Variants in ZDHHC14 observed in about 807,000 individuals in gnomAD.
The protein encoded by ZDHHC14 is zDHHC palmitoyltransferase 14, also known as palmitoyltransferase ZDHHC14.
In ZDHHC14, 16 loss-of-function variants were observed where a neutral mutation model predicts 47.7. The observed-to-expected ratio is 0.34, with a 90% confidence interval of 0.23 to 0.51. The LOEUF is 0.51. ZDHHC14 is among the 20% of genes least tolerant of loss of function. The pLI is 0.97. For missense variants in ZDHHC14, 515 were observed against 662.5 expected (o/e 0.78, Z 2.44); for synonymous variants, 293 against 278.9 (o/e 1.05, Z -0.50).
chr6:157,561,068 G>A (rs1431586663), intron 2 of ZDHHC14, among the ~76,000 whole-genome samples: 1 of 152,224 alleles, frequency 6.6e-6, no homozygotes, highest in African/African-American at 2.4e-5. Context: ...ATTTCGGGGA[G>A]CCCAGGTCCT....
intron 3 of ZDHHC14, among the ~76,000 whole-genome samples, chr6:157,594,509 G>T (rs777514400): frequency 6.6e-6 from 1 of 152,178 alleles, no homozygotes; most frequent in Non-Finnish European, 1.5e-5. Flanking sequence ...ACTGCCTGCC[G>T]CATGGGATAG....
chr6:157,523,651 T>G (rs1405046212), intron 1 of ZDHHC14, among the ~76,000 whole-genome samples: 2 of 151,888 alleles, frequency 1.3e-5, no homozygotes, highest in Non-Finnish European at 2.9e-5. Context: ...TTTCCAACAC[T>G]TTGGGTGGCT....
chr6:157,426,668 A>G (rs916542939), intron 1 of ZDHHC14, among the ~76,000 whole-genome samples: 4 of 152,168 alleles, frequency 2.6e-5, no homozygotes, highest in Admixed American at 2.6e-4. Flanking sequence ...AGAGCCGATC[A>G]GAAGGGGATG....
chr6:157,397,891 T>A (rs1379378224), intron 1 of ZDHHC14, among the ~76,000 whole-genome samples: 1 of 152,160 alleles, frequency 6.6e-6, no homozygotes, highest in Admixed American at 6.5e-5. Context: ...CACTTGCCTC[T>A]TGCAGATGGG....
chr6:157,639,233 T>A (rs1777128937), intron 5 of ZDHHC14, among the ~76,000 whole-genome samples: 1 of 152,224 alleles, frequency 6.6e-6, no homozygotes, highest in African/African-American at 2.4e-5. Context: ...GGTCCCTTCA[T>A]CCCCTGCATG....
chr6:157,431,273 T>C (rs542801297), intron 1 of ZDHHC14, among the ~76,000 whole-genome samples: 1 of 152,316 alleles, frequency 6.6e-6, no homozygotes, highest in East Asian at 1.9e-4. Context: ...GCTGGTCTAA[T>C]TGTCAGGGCC....
intron 4 of ZDHHC14, chr6:157,631,046 C>T (rs1394330737): frequency 8.4e-6 from 1 of 119,308 alleles, no homozygotes; most frequent in Non-Finnish European, 1.8e-5. Context: ...ATACCCTTAC[C>T]CCCACACACC....
intron 1 of ZDHHC14, among the ~76,000 whole-genome samples, chr6:157,537,754 T>TTC: frequency 6.6e-6 from 1 of 152,214 alleles, no homozygotes; most frequent in East Asian, 1.9e-4. Flanking sequence ...GCACTCAGCA[T>TTC]TGGAGTTCCC....
In ZDHHC14 at chr6:157,653,563, C is replaced by G. The variant is rs184239591; in HGVS notation, c.1004C>G (p.Pro335Arg). 2 of 1,614,014 alleles carry G rather than the reference C, an allele frequency of 1.2e-6. No homozygotes were observed. The highest frequency in any genetic ancestry group is 1.1e-5 in the South Asian group (1 of 91,068). Residue 335 changes from proline (P) to arginine (R), a missense_variant, in exon 8 of 9, where the codon CCG becomes CGG. By Grantham distance (103) the Pro-to-Arg change is moderately radical. This residue lies in a region of ZDHHC14 where 221 missense variants were observed against 233.6 expected (regional missense o/e 0.95). Transcript: ENST00000359775. ...DRRGYIQPDT[P>R]QPAAPSNGIT... is the part of the protein sequence containing the mutation. The stretch of plus-strand genomic sequence containing the variant: ...AGAGGGTACATCCAGCCCGACACGC[C>G]GCAGCCAGCAGCACCCTCCAATGGC...
At chr6:157,546,420 T>C (rs1781974842) in intron 2 of ZDHHC14, among the ~76,000 whole-genome samples, 1 of 152,212 alleles carries the variant, frequency 6.6e-6, no homozygotes, top group Non-Finnish European at 1.5e-5. Flanking sequence ...CTGAGTAATT[T>C]ATTGAAGATT....
intron 1 of ZDHHC14, among the ~76,000 whole-genome samples, chr6:157,534,133 C>G (rs1381323633): frequency 1.3e-5 from 2 of 152,110 alleles, no homozygotes; most frequent in East Asian, 1.9e-4. Context: ...AAGCCAGGGT[C>G]AGAGGCAGCT....
chr6:157,469,622 G>A lies in ZDHHC14; in HGVS notation c.246-72963G>A, dbSNP rs576083205. 1.1e-4 allele frequency among the ~76,000 whole-genome samples: 16 copies of A among 152,310 alleles called. No individual in the cohort carries two copies. The South Asian group carries it at 2.7e-3, about 26-fold the overall frequency. On this transcript the variant is annotated intron_variant, in intron 1 of 8. Transcript: ENST00000359775. ...ATTCTGCCCTGCAGCTCCTCACTCT[G>A]GGCCCCAGGCTGATGGAACGATCAT...
At chr6:157,513,498 C>T (rs867623656) in intron 1 of ZDHHC14, among the ~76,000 whole-genome samples, 6 of 152,146 alleles carry the variant, frequency 3.9e-5, no homozygotes, top group Non-Finnish European at 5.9e-5. Flanking sequence ...GATTGCACCC[C>T]GAGCTCCATC....
intron 1 of ZDHHC14, among the ~76,000 whole-genome samples, chr6:157,461,084 G>A (rs1448789321): frequency 6.6e-6 from 1 of 152,222 alleles, no homozygotes; most frequent in African/African-American, 2.4e-5. Context: ...TCATAGCGGG[G>A]CCTCTGATGT....
At position 157,525,024 on chromosome 6, in the gene ZDHHC14, A is replaced by T. The variant is rs979422544; in HGVS notation, c.246-17561A>T. Among the ~76,000 whole-genome samples, 3 of 152,186 alleles carry T rather than the reference A, an allele frequency of 2.0e-5. No individual in the cohort carries two copies. The East Asian group carries it at 5.8e-4, about 29-fold the overall frequency. On this transcript the variant is annotated intron_variant, in intron 1 of 8. Transcript: ENST00000359775. The stretch of plus-strand genomic sequence containing the variant: ...GGTCTCCCACAGGGCTGCAATCAAG[A>T]TATGGCTGGGGCTGCCATCATCTCA...
intron 3 of ZDHHC14, among the ~76,000 whole-genome samples, chr6:157,605,647 A>G (rs1237730185): frequency 1.3e-5 from 2 of 152,196 alleles, no homozygotes; most frequent in Non-Finnish European, 2.9e-5. Context: ...CTTAGAGCAG[A>G]CAGACACTCA....
chr6:157,561,497 C>T (rs138931660), intron 2 of ZDHHC14, among the ~76,000 whole-genome samples: 509 of 152,104 alleles, frequency 3.3e-3, no homozygotes, highest in African/African-American at 0.012. Context: ...GTAGAGTGTC[C>T]GACGGGCGCG....
intron 5 of ZDHHC14, among the ~76,000 whole-genome samples, chr6:157,633,096 A>G (rs541123535): frequency 1.1e-4 from 17 of 152,292 alleles, no homozygotes; most frequent in Non-Finnish European, 1.5e-4. Flanking sequence ...TAGGAAGCCA[A>G]GTATGAATTC....
chr6:157,610,360 A>G (rs1784707188), intron 3 of ZDHHC14, among the ~76,000 whole-genome samples: 1 of 152,138 alleles, frequency 6.6e-6, no homozygotes, highest in South Asian at 2.1e-4. Flanking sequence ...TGAACCCGGG[A>G]GGCGGAGCTT....
Sources: allele counts gnomAD v4.1 joint callset (sites outside exome capture counted in the v4.1 genomes callset), GRCh38; gene constraint gnomAD v4.1.1; regional missense constraint gnomAD v4.1.1; transcripts MANE v1.5; gene names NCBI Gene and HGNC (gene_info 2026-07-23, HGNC 2026-07-21).